The following HPSE2 variants were observed in gnomAD, a reference collection of about 807,000 sequenced individuals.
HPSE2 encodes the protein heparanase 2 (inactive), also known as inactive heparanase-2.
Under a neutral mutation model 60.5 loss-of-function variants are expected in HPSE2, and 38 were observed. The ratio of observed to expected loss-of-function variants is 0.63; its 90% CI spans 0.48 to 0.82. The LOEUF is 0.82. Among genes scored for constraint, HPSE2 ranks in the 40% least tolerant of loss-of-function variants. The probability of loss-of-function intolerance (pLI) is 0.00; values close to 1 mark genes in which losing one functional copy is unlikely to be tolerated. For missense variants in HPSE2, 713 were observed against 740.4 expected, an observed-to-expected ratio of 0.96 and a Z score of 0.43; for synonymous variants, 295 against 293.2, an observed-to-expected ratio of 1.01 and a Z score of -0.06.
chr10:98,516,448 T>C (rs1039997504), intron 9 of HPSE2, among the ~76,000 whole-genome samples: 3 of 152,192 alleles, frequency 2.0e-5, no homozygotes, highest in Non-Finnish European at 4.4e-5. Context: ...GTTGCCAGAA[T>C]TAAAAGTGCC....
intron 3 of HPSE2, among the ~76,000 whole-genome samples, chr10:98,986,406 G>A (rs1326714189): frequency 3.1e-4 from 47 of 150,584 alleles, no homozygotes; most frequent in Non-Finnish European, 6.2e-4. Flanking sequence ...GGTACATAAC[G>A]AAATGAAGGC....
chr10:98,686,605 A>G (rs948946725), intron 6 of HPSE2, among the ~76,000 whole-genome samples: 1 of 152,096 alleles, frequency 6.6e-6, no homozygotes, highest in Non-Finnish European at 1.5e-5. Context: ...AAGTCTCGCT[A>G]TGTTGCTCAG....
At chr10:99,088,914 G>A (rs953684023) in intron 3 of HPSE2, among the ~76,000 whole-genome samples, 1 of 151,880 alleles carries the variant, frequency 6.6e-6, no homozygotes, top group Non-Finnish European at 1.5e-5. Context: ...GGTATCACAT[G>A]CATTTCCCTG....
At chr10:99,266,707 A>G in the HPSE2 span, among the ~76,000 whole-genome samples, 1 of 152,154 alleles carries the variant, frequency 6.6e-6, no homozygotes, top group African/African-American at 2.4e-5. Flanking sequence ...AACGAGTACA[A>G]TAAACAAAAC....
intron 10 of HPSE2, among the ~76,000 whole-genome samples, chr10:98,483,040 T>C (rs1465034971): frequency 6.6e-6 from 1 of 152,182 alleles, no homozygotes; most frequent in East Asian, 1.9e-4. Flanking sequence ...GTATATATTT[T>C]ATGGCATATA....
intron 9 of HPSE2, among the ~76,000 whole-genome samples, chr10:98,522,264 A>C (rs1034940278): frequency 1.6e-4 from 24 of 152,256 alleles, no homozygotes; most frequent in African/African-American, 4.3e-4. Flanking sequence ...GCAAAAAAAA[A>C]ACAATAAAAC....
intron 9 of HPSE2, among the ~76,000 whole-genome samples, chr10:98,497,236 A>G (rs1197100774): frequency 2.6e-5 from 4 of 152,164 alleles, no homozygotes; most frequent in Non-Finnish European, 2.9e-5. Flanking sequence ...ATGATGTGTA[A>G]CAAAACCACT....
chr10:98,779,153 G>A (rs72836727), intron 3 of HPSE2, among the ~76,000 whole-genome samples: 2,280 of 152,260 alleles, frequency 0.015, 31 homozygotes, highest in African/African-American at 0.03. Flanking sequence ...CTATGTAAAT[G>A]TAGCCCATGA....
chr10:98,619,305 G>A (rs1437688995), intron 8 of HPSE2, among the ~76,000 whole-genome samples: 1 of 152,290 alleles, frequency 6.6e-6, no homozygotes, highest in East Asian at 1.9e-4. Context: ...TGATCCTGAG[G>A]GGTTTGTCCC....
intron 3 of HPSE2, among the ~76,000 whole-genome samples, chr10:99,019,550 G>A (rs1024079465): frequency 4.6e-5 from 7 of 152,114 alleles, no homozygotes; most frequent in African/African-American, 1.7e-4. Context: ...GTACATACAT[G>A]TATATACCTT....
At chr10:98,953,535 T>C (rs570955347) in intron 3 of HPSE2, among the ~76,000 whole-genome samples, 1 of 152,124 alleles carries the variant, frequency 6.6e-6, no homozygotes, top group Non-Finnish European at 1.5e-5. Flanking sequence ...TATCCTGTAT[T>C]ATCTATCTAG....
intron 3 of HPSE2, among the ~76,000 whole-genome samples, chr10:98,799,705 A>G (rs540410889): frequency 6.6e-6 from 1 of 152,204 alleles, no homozygotes; most frequent in Non-Finnish European, 1.5e-5. Flanking sequence ...TGAAGGAATT[A>G]AGAAAATTGC....
intron 2 of HPSE2, among the ~76,000 whole-genome samples, chr10:99,145,207 A>G (rs1846004870): frequency 6.6e-6 from 1 of 152,246 alleles, no homozygotes; most frequent in African/African-American, 2.4e-5. Flanking sequence ...CTGTAATCCC[A>G]GCACTTTGGG....
At chr10:99,216,112 A>G (rs1170417343) in intron 2 of HPSE2, among the ~76,000 whole-genome samples, 1 of 152,086 alleles carries the variant, frequency 6.6e-6, no homozygotes, top group Non-Finnish European at 1.5e-5. Context: ...CTGGTCCTTT[A>G]ATCTCAAAAT....
chr10:98,556,732 A>G (rs560062810), intron 9 of HPSE2, among the ~76,000 whole-genome samples: 1 of 152,358 alleles, frequency 6.6e-6, no homozygotes, highest in East Asian at 1.9e-4. Context: ...ATGTTAATTA[A>G]TCCTAAATTA....
At chr10:99,167,718 A>T (rs1475759474) in intron 2 of HPSE2, among the ~76,000 whole-genome samples, 2 of 151,862 alleles carry the variant, frequency 1.3e-5, no homozygotes, top group African/African-American at 4.8e-5. Flanking sequence ...TATTCTAGTT[A>T]GTGTGTGTGT....
intron 6 of HPSE2, among the ~76,000 whole-genome samples, chr10:98,688,492 T>TTTTTTTTTTTTTTTTTTTTTG (rs1397644993): frequency 6.9e-6 from 1 of 145,320 alleles, no homozygotes; most frequent in Admixed American, 7.1e-5. Context: ...TTTTTTTTTT[T>TTTTTTTTTTTTTTTTTTTTTG]TGAGGCAGAA....
chr10:98,987,529 C>T (rs1956396780), intron 3 of HPSE2, among the ~76,000 whole-genome samples: 2 of 152,140 alleles, frequency 1.3e-5, no homozygotes, highest in Admixed American at 6.5e-5. Flanking sequence ...AAACCCACAG[C>T]CAATATCATA....
chr10:99,145,925 A>G (rs1157043838), intron 2 of HPSE2, among the ~76,000 whole-genome samples: 5 of 152,214 alleles, frequency 3.3e-5, no homozygotes, highest in Non-Finnish European at 7.3e-5. Context: ...AGATGTGAAA[A>G]TGGTCCTCAC....
Sources: gnomAD v4.1 joint callset for allele counts (sites outside exome capture counted in the v4.1 genomes callset) on GRCh38, gnomAD v4.1.1 for gene constraint, MANE v1.5 for transcripts, NCBI Gene and HGNC (gene_info 2026-07-23, HGNC 2026-07-21) for gene names.